Variants in CTCFL observed in about 807,000 individuals in gnomAD.
CTCFL encodes CCCTC-binding factor like.
A neutral mutation model predicts 67.4 loss-of-function variants in CTCFL; 36 were observed. That is an observed-to-expected ratio of 0.53 (90% CI 0.41 to 0.71). CTCFL has a LOEUF of 0.71. Among genes scored for constraint, CTCFL ranks in the 30% least tolerant of loss-of-function variants. The pLI, the probability that CTCFL is intolerant of heterozygous loss-of-function variation, is 0.00. For missense variants in CTCFL, 786 were observed against 835.2 expected, an observed-to-expected ratio of 0.94 and a Z score of 0.73; for synonymous variants, 324 against 302.3, an observed-to-expected ratio of 1.07 and a Z score of -0.75.
intron 10 of CTCFL, 138 bp downstream of exon 10, chr20:57,503,298 C>T: frequency 1.0e-6 from 1 of 995,058 alleles, no homozygotes; most frequent in Admixed American, 2.3e-5. Context: ...AGATCTGGCA[C>T]AAGCCACCTT....
chr20:57,515,656 A>C, intron 6 of CTCFL, 58 bp downstream of exon 6: 3 of 1,607,502 alleles, frequency 1.9e-6, no homozygotes, highest in Non-Finnish European at 2.5e-6. Flanking sequence ...TAATTTTTTA[A>C]AGCTTGCTTT....
intron 10 of CTCFL, chr20:57,499,665 C>T: frequency 5.0e-6 from 1 of 199,206 alleles, no homozygotes; most frequent in South Asian, 9.8e-5. Context: ...GGCTTGTTTT[C>T]CTGCATCTAG....
Position 57,506,703 on chromosome 20 carries a change from G to A in CTCFL, c.1674+1903C>T, listed in dbSNP as rs181333400. On this transcript the variant is annotated intron_variant, in intron 9 of 10. Transcript: ENST00000243914. ...AAGTCCAAATATGCTTTCTTGAATCGGAATTTCAAAAATTTTATGTTCTGA... is the reference window on the plus strand; with the variant it reads ...AAGTCCAAATATGCTTTCTTGAATCAGAATTTCAAAAATTTTATGTTCTGA... 315 of 747,968 alleles carry A rather than the reference G, an allele frequency of 4.2e-4. 3 individuals carry two copies. The South Asian group carries it at 0.014, about 34-fold the overall frequency. 46.3% of individuals were successfully genotyped at this position (747,968 alleles called of 1,614,324 possible). A position where few individuals can be genotyped will look rare whatever the true frequency, so the allele number is the denominator to read the frequency against.
At chr20:57,513,934 A>G (rs2068726923) in intron 7 of CTCFL, 1 of 1,275,376 alleles carries the variant, frequency 7.8e-7, no homozygotes. Flanking sequence ...ATTGCTCAAC[A>G]CTGGCTGGCT....
rs2067761393 is a variant in CTCFL, at chr20:57,498,505, T to A, written c.*45A>T. On this transcript the variant is annotated 3_prime_UTR_variant, in exon 11 of 11. Transcript: ENST00000243914. ...ACCTTAAATGCTAAAAACTTCTAAC[T>A]TGCTTTAGGAATTGGGGGCAGTGAA... is the stretch of plus-strand genomic sequence containing the variant. 3 of 1,585,436 alleles carry A rather than the reference T, an allele frequency of 1.9e-6. No homozygotes were observed. The Admixed American group carries it at 5.3e-5, about 28-fold the overall frequency.
At chr20:57,524,840 A>G in intron 1 of CTCFL, 188 bp downstream of exon 1, 1 of 796,798 alleles carries the variant, frequency 1.3e-6, no homozygotes, top group Non-Finnish European at 1.5e-6. Flanking sequence ...ACTCCCTCGG[A>G]GGCCTGGCAG....
intron 1 of CTCFL, 94 bp downstream of exon 1, chr20:57,524,934 G>A (rs2069759911): frequency 1.1e-5 from 2 of 177,582 alleles, no homozygotes; most frequent in South Asian, 3.7e-4. Flanking sequence ...CCCGCCCTTG[G>A]GCCTTTCCGG....
chr20:57,500,271 GT>G (rs1568847554), intron 10 of CTCFL: 5 of 887,628 alleles, frequency 5.6e-6, no homozygotes, highest in Non-Finnish European at 4.5e-6. Flanking sequence ...GAGAGACATG[GT>G]AAAACCCCAT....
chr20:57,497,331 A>G lies in CTCFL; in HGVS notation c.*1219T>C. 1 of 985,376 alleles carries G rather than the reference A, an allele frequency of 1.0e-6. No individual in the cohort carries two copies. Among genetic ancestry groups the G allele is most frequent in the Non-Finnish European group, 1.2e-6 (1 of 829,874 alleles). 61.0% of individuals were successfully genotyped at this position (985,376 alleles called of 1,614,324 possible). A position where few individuals can be genotyped will look rare whatever the true frequency, so the allele number is the denominator to read the frequency against. On this transcript the variant is annotated 3_prime_UTR_variant, in exon 11 of 11. Coordinates refer to ENST00000243914, the MANE Select transcript of CTCFL (RefSeq NM_001386993.1). Reference sequence around the variant, plus strand: ...GAGTTAAATTAATTTGCTGGTACAAAGAGAATATAATGCTCTTCCTGCTGG... The same window carrying G: ...GAGTTAAATTAATTTGCTGGTACAAGGAGAATATAATGCTCTTCCTGCTGG...
At chr20:57,504,722 T>C (rs534250768) in intron 9 of CTCFL, among the ~76,000 whole-genome samples, 1 of 152,056 alleles carries the variant, frequency 6.6e-6, no homozygotes, top group East Asian at 1.9e-4. Flanking sequence ...TCTAATTTTG[T>C]TCTTAATTTC....
intron 9 of CTCFL, chr20:57,507,986 A>C (rs916281756): frequency 1.6e-6 from 1 of 635,608 alleles, no homozygotes; most frequent in African/African-American, 1.8e-5. Context: ...TCTGTCTTTG[A>C]GGCCAGAGTG....
intron 9 of CTCFL, chr20:57,507,356 T>G: frequency 1.8e-6 from 1 of 552,386 alleles, no homozygotes; most frequent in Non-Finnish European, 3.2e-6. Context: ...CACGCCTAGC[T>G]ATTTTCTTTT....
rs1222156751 is a variant in CTCFL at position 57,515,718 on chromosome 20, G to A, written c.1176C>T (p.His392=). 4 of 1,614,036 alleles carry A rather than the reference G, an allele frequency of 2.5e-6. No individual in the cohort carries two copies. The highest frequency in any genetic ancestry group is 1.1e-5 in the South Asian group (1 of 91,090). Residue 392 remains histidine (H), a synonymous_variant, in exon 6 of 11, where the codon CAC becomes CAT. Transcript: ENST00000243914. ...CTTCAGCACCAGAGCCCTTACCTGA[G>A]TGCGTTCTCATGTGGCGTTTCAGCT... is the stretch of plus-strand genomic sequence containing the variant. ...TYKLKRHMRT[H]SGEKPYECHI... is the part of the protein sequence containing the mutation.
chr20:57,524,284 G>A, intron 1 of CTCFL, 68 bp from the exon 2 acceptor site: 2 of 1,533,402 alleles, frequency 1.3e-6, no homozygotes, highest in Non-Finnish European at 1.7e-6. Context: ...GGGATGCGGG[G>A]GGTGCTGGAA....
chr20:57,524,292 G>A lies in CTCFL; in HGVS notation c.-11-76C>T, dbSNP rs891152865. 4.6e-6 allele frequency: 7 copies of A among 1,526,722 alleles called. No homozygotes were observed. The African/African-American group carries it at 6.9e-5, about 15-fold the overall frequency. 94.6% of individuals were successfully genotyped at this position (1,526,722 alleles called of 1,614,324 possible). A position where few individuals can be genotyped will look rare whatever the true frequency, so the allele number is the denominator to read the frequency against. On this transcript the variant is annotated intron_variant, in intron 1 of 10. Coordinates refer to ENST00000243914, the MANE Select transcript of CTCFL (RefSeq NM_001386993.1). ...ATGAGGAGGGATGCGGGGGGTGCTG[G>A]AACCTAGCAGGCTTTGGAGTTGAAA...
At chr20:57,524,328 C>A in intron 1 of CTCFL, 112 bp from the exon 2 acceptor site, 1 of 1,505,864 alleles carries the variant, frequency 6.6e-7, no homozygotes, top group Non-Finnish European at 8.8e-7. Flanking sequence ...CAAGGTCTGG[C>A]CTCAAAAGGT....
At chr20:57,496,843 C>T (rs2067729495), downstream of CTCFL, among the ~76,000 whole-genome samples, 1 of 152,162 alleles carries the variant, frequency 6.6e-6, no homozygotes, top group African/African-American at 2.4e-5. Context: ...TTTACCCATT[C>T]ACCCGTCCAT....
intron 4 of CTCFL, 43 bp from the exon 5 acceptor site, chr20:57,518,934 CA>C: frequency 6.4e-7 from 1 of 1,563,318 alleles, no homozygotes; most frequent in Non-Finnish European, 8.7e-7. Context: ...AAGACTTAAC[CA>C]GAAACATTCC....
intron 7 of CTCFL, chr20:57,513,605 C>T: frequency 1.8e-6 from 2 of 1,131,624 alleles, no homozygotes; most frequent in South Asian, 3.9e-5. Context: ...TAGACTTGTG[C>T]CCCACCAAGC....
Sources: gnomAD v4.1 joint callset for allele counts (sites outside exome capture counted in the v4.1 genomes callset) on GRCh38, gnomAD v4.1.1 for gene constraint, MANE v1.5 for transcripts, NCBI Gene and HGNC (gene_info 2026-07-23, HGNC 2026-07-21) for gene names.